The following EYS variants were observed in gnomAD, a reference collection of about 807,000 sequenced individuals.
EYS encodes EGF-like photoreceptor maintenance factor.
EYS carries 250 observed loss-of-function variants against 282.1 expected under a neutral mutation model. The ratio of observed to expected loss-of-function variants is 0.89; its 90% CI spans 0.80 to 0.98. EYS has a LOEUF of 0.98. Ranked by LOEUF, EYS falls within the 50% of genes least tolerant of loss-of-function variation. EYS has a pLI of 0.00. For missense variants in EYS, 4,016 were observed against 3,709.0 expected, an observed-to-expected ratio of 1.08 and a Z score of -2.15; for synonymous variants, 1,355 against 1,282.9, an observed-to-expected ratio of 1.06 and a Z score of -1.20.
intron 14 of EYS, among the ~76,000 whole-genome samples, chr6:64,954,367 T>G (rs1222275984): frequency 6.6e-6 from 1 of 152,142 alleles, no homozygotes; most frequent in Non-Finnish European, 1.5e-5. Context: ...TGATGTGTAC[T>G]GCTCAAACAT....
chr6:65,372,824 G>C (rs758033945), intron 8 of EYS, among the ~76,000 whole-genome samples: 1 of 151,938 alleles, frequency 6.6e-6, no homozygotes, highest in Non-Finnish European at 1.5e-5. Flanking sequence ...TGAAGAGCAT[G>C]ACTTAGAATT....
At chr6:64,641,673 CCCAGGCTGGGGACTGGTACAGGTCCATGG>C (rs1427802150) in intron 22 of EYS, among the ~76,000 whole-genome samples, 2 of 152,154 alleles carry the variant, frequency 1.3e-5, no homozygotes, top group African/African-American at 4.8e-5. Flanking sequence ...GTCTCCAACA[CCCAGGCTGGGGACTGGTACAGGTCCATGG>C]CCTGTTAGGA....
chr6:65,259,508 T>C (rs1767561724), intron 12 of EYS, among the ~76,000 whole-genome samples: 1 of 152,126 alleles, frequency 6.6e-6, no homozygotes, highest in African/African-American at 2.4e-5. Context: ...TGTGTTTTTA[T>C]ACTTGAATGC....
rs113997665 is a variant in EYS at position 64,262,722 on chromosome 6, G to A, written c.6192-31898C>T. Among the ~76,000 whole-genome samples, 22 of 151,836 alleles carry A rather than the reference G, an allele frequency of 1.4e-4. No homozygotes were observed. The East Asian group carries it at 1.6e-3, about 11-fold the overall frequency. On this transcript the variant is annotated intron_variant, in intron 30 of 42. Transcript: ENST00000503581. Reference sequence around the variant, plus strand: ...CTTAAAGGTAAGCTCTTTTAGTTTCGTTTTCTTTTATTTTGTTTCCTGCTT... The same window carrying A: ...CTTAAAGGTAAGCTCTTTTAGTTTCATTTTCTTTTATTTTGTTTCCTGCTT...
chr6:64,342,544 C>A (rs1459897534), intron 29 of EYS, among the ~76,000 whole-genome samples: 1 of 151,824 alleles, frequency 6.6e-6, no homozygotes, highest in Non-Finnish European at 1.5e-5. Flanking sequence ...CAGTCCTGCC[C>A]TAAAAGAGCT....
At chr6:64,083,508 G>C (rs962849940) in intron 31 of EYS, among the ~76,000 whole-genome samples, 2 of 152,058 alleles carry the variant, frequency 1.3e-5, no homozygotes, top group African/African-American at 4.8e-5. Flanking sequence ...TGCTGTTTCT[G>C]ACCCTTCCAG....
rs149454903 is a variant in EYS, at chr6:63,979,791, C to T, written c.7055+4592G>A. Among the ~76,000 whole-genome samples the T allele has an allele frequency of 3.8e-3, 578 of 151,950 alleles. 3 individuals carry two copies. The highest frequency in any genetic ancestry group is 0.013 in the African/African-American group (541 of 41,500). ...TTCACTACATGCAATTTGGACTTCTCTGAAATGAACAACCACAGGGGTTTG... is the reference window on the plus strand; with the variant it reads ...TTCACTACATGCAATTTGGACTTCTTTGAAATGAACAACCACAGGGGTTTG... On this transcript the variant is annotated intron_variant, in intron 35 of 42. Coordinates refer to ENST00000503581, the MANE Select transcript of EYS (RefSeq NM_001142800.2).
In EYS at chr6:63,984,405, G is replaced by A. The variant is rs756116965; in HGVS notation, c.7033C>T (p.Arg2345Cys). The change falls in exon 35 of 43, where the codon CGC becomes TGC. Residue 2345 changes from arginine to cysteine, a missense_variant. Coordinates refer to ENST00000503581, the MANE Select transcript of EYS (RefSeq NM_001142800.2). The part of the protein sequence containing the change: ...HVPWCAHHLC[R>C]NNGTCISDNE... ...GACCTGATGCAGGTGCCATTGTTGCGGCACAGATGATGAGCACACCAAGGG... is the reference window on the plus strand; with the variant it reads ...GACCTGATGCAGGTGCCATTGTTGCAGCACAGATGATGAGCACACCAAGGG... 1.1e-5 allele frequency: 17 copies of A among 1,548,948 alleles called. No homozygotes were observed. Among genetic ancestry groups the A allele is most frequent in the East Asian group, 7.3e-5 (3 of 40,850 alleles).
chr6:63,816,691 G>A (rs1771186417), intron 36 of EYS, among the ~76,000 whole-genome samples: 1 of 152,208 alleles, frequency 6.6e-6, no homozygotes, highest in Admixed American at 6.5e-5. Context: ...TCTTCAGGGT[G>A]CAAATCTTGG....
chr6:63,861,455 A>G (rs1371788904), intron 36 of EYS, among the ~76,000 whole-genome samples: 3 of 152,264 alleles, frequency 2.0e-5, no homozygotes, highest in Non-Finnish European at 2.9e-5. Context: ...TAGTTTAAAC[A>G]GATACACAAA....
chr6:64,877,680 T>G (rs1009859481), intron 19 of EYS, among the ~76,000 whole-genome samples: 2 of 152,150 alleles, frequency 1.3e-5, no homozygotes, highest in Non-Finnish European at 2.9e-5. Flanking sequence ...ACCATTTTAA[T>G]CTTGGGATTA....
intron 31 of EYS, among the ~76,000 whole-genome samples, chr6:64,114,176 A>G (rs1773301380): frequency 6.6e-6 from 1 of 152,192 alleles, no homozygotes. Flanking sequence ...AAACATTGAT[A>G]TATAAGGTGC....
intron 12 of EYS, among the ~76,000 whole-genome samples, chr6:65,245,521 G>A (rs1343897584): frequency 6.6e-6 from 1 of 151,876 alleles, no homozygotes; most frequent in African/African-American, 2.4e-5. Flanking sequence ...TCAAAAAAAG[G>A]CTGCCACCTC....
At chr6:64,163,596 C>T (rs565815604) in intron 31 of EYS, among the ~76,000 whole-genome samples, 6 of 151,822 alleles carry the variant, frequency 4.0e-5, no homozygotes, top group East Asian at 3.9e-4. Flanking sequence ...AAAAAATAAC[C>T]GTTTAGCTAT....
chr6:64,374,982 G>A (rs1027751412), intron 29 of EYS, among the ~76,000 whole-genome samples: 1 of 152,156 alleles, frequency 6.6e-6, no homozygotes, highest in African/African-American at 2.4e-5. Context: ...TCTCTTCACT[G>A]ACTCTTAGCA....
intron 22 of EYS, among the ~76,000 whole-genome samples, chr6:64,744,540 C>T (rs1028605278): frequency 1.1e-4 from 16 of 152,136 alleles, no homozygotes; most frequent in African/African-American, 2.4e-4. Flanking sequence ...TCAGAATTTA[C>T]GGAAGTAGAC....
At chr6:64,749,560 ACTT>A (rs1374030946) in intron 22 of EYS, among the ~76,000 whole-genome samples, 1 of 152,156 alleles carries the variant, frequency 6.6e-6, no homozygotes, top group African/African-American at 2.4e-5. Flanking sequence ...AACCATATGA[ACTT>A]CTTCTGCTGC....
At chr6:64,307,220 G>A in intron 29 of EYS, 138 bp from the exon 30 acceptor site, 1 of 537,182 alleles carries the variant, frequency 1.9e-6, no homozygotes, top group Non-Finnish European at 3.2e-6. Context: ...TTATAGTACA[G>A]TAATTCAAAT....
intron 13 of EYS, among the ~76,000 whole-genome samples, chr6:65,038,131 T>C (rs1477941106): frequency 6.6e-6 from 1 of 151,586 alleles, no homozygotes; most frequent in African/African-American, 2.4e-5. Flanking sequence ...CATCCTGTTC[T>C]TAGCTAAAAT....
Sources: allele counts gnomAD v4.1 joint callset (sites outside exome capture counted in the v4.1 genomes callset), GRCh38; gene constraint gnomAD v4.1.1; transcripts MANE v1.5; gene names NCBI Gene and HGNC (gene_info 2026-07-23, HGNC 2026-07-21).